LSS: variants seen among roughly 807,000 people sequenced by gnomAD.
LSS encodes the protein lanosterol synthase.
In LSS, 90 loss-of-function variants were observed where a neutral mutation model predicts 110.3. The ratio of observed to expected loss-of-function variants is 0.82; its 90% CI spans 0.69 to 0.97. The LOEUF (loss-of-function observed/expected upper bound fraction) is 0.97. LSS is among the 50% of genes least tolerant of loss of function. The pLI, the probability that LSS is intolerant of heterozygous loss-of-function variation, is 0.00. For missense variants in LSS, 927 were observed against 990.0 expected, an observed-to-expected ratio of 0.94 and a Z score of 0.85; for synonymous variants, 433 against 400.0, an observed-to-expected ratio of 1.08 and a Z score of -0.98.
chr21:46,207,423 C>G lies in LSS; in HGVS notation c.1467+5G>C. 6.2e-7 allele frequency: 1 copy of G among 1,611,538 alleles called. No homozygotes were observed. Among genetic ancestry groups the G allele is most frequent in the East Asian group, 2.2e-5 (1 of 44,832 alleles). ...TGGACGGGGCTGCTGGGACCACAGC[C>G]TTACCACAGCCACAGCATCGCAGAG... On this transcript the variant is annotated splice_donor_5th_base_variant and intron_variant, in intron 15 of 21. Coordinates refer to ENST00000397728, the MANE Select transcript of LSS (RefSeq NM_002340.6).
rs767599219 is a variant in LSS, at chr21:46,218,350, C to T, written c.647+1126G>A. ...AATGTTACAAGACACCACATAAGGCCGGGAGCAGTGGCTCATGGCTCCCAG... is the reference window on the plus strand; with the variant it reads ...AATGTTACAAGACACCACATAAGGCTGGGAGCAGTGGCTCATGGCTCCCAG... On this transcript the variant is annotated intron_variant, in intron 6 of 21. Coordinates refer to ENST00000397728, the MANE Select transcript of LSS (RefSeq NM_002340.6). Among the ~76,000 whole-genome samples, 8 of 152,262 alleles carry T rather than the reference C, an allele frequency of 5.3e-5. 1 individual carries two copies. The highest frequency in any genetic ancestry group is 2.0e-4 in the Admixed American group (3 of 15,308).
chr21:46,191,324 T>A, intron 21 of LSS, 89 bp from the exon 22 acceptor site: 1 of 1,511,282 alleles, frequency 6.6e-7, no homozygotes, highest in Non-Finnish European at 9.1e-7. Context: ...TTGGCTTGGC[T>A]GGCTTGTGGG....
chr21:46,191,191 G>A lies in LSS; in HGVS notation c.2112C>T (p.Tyr704=), dbSNP rs1290194345. The stretch of plus-strand genomic sequence containing the variant: ...TGGGGAAGATGTTCCTGTAGCTCGT[G>A]TAGGAGATGGCACAGGACTTGTTGA... The part of the protein sequence containing the change: ...GVFNKSCAIS[Y]TSYRNIFPIW... The change falls in exon 22 of 22, where the codon TAC becomes TAT. Residue 704 remains tyrosine, a synonymous_variant. Coordinates refer to ENST00000397728, the MANE Select transcript of LSS (RefSeq NM_002340.6). 1.9e-6 allele frequency: 3 copies of A among 1,614,036 alleles called. No homozygotes were observed. The highest frequency in any genetic ancestry group is 2.2e-5 in the East Asian group (1 of 44,888).
intron 5 of LSS, 55 bp from the exon 6 acceptor site, chr21:46,219,627 A>G: frequency 1.7e-6 from 2 of 1,162,032 alleles, no homozygotes; most frequent in East Asian, 2.6e-5. Flanking sequence ...CAAAGTCTGC[A>G]CTGCCTCTAG....
At chr21:46,205,580 G>A (rs1337278938) in intron 17 of LSS, among the ~76,000 whole-genome samples, 1 of 152,246 alleles carries the variant, frequency 6.6e-6, no homozygotes, top group Admixed American at 6.5e-5. Context: ...AGTCAGGTAT[G>A]TGATGTCTTC....
At position 46,218,298 on chromosome 21, in the gene LSS, T is replaced by TCC. The variant is rs562137423; in HGVS notation, c.647+1176_647+1177dup. ...TGCACGAGTGTTTTCTGGGGAGATG[T>TCC]CCACTGCTTTCAATAGATAGCCATA... On this transcript the variant is annotated intron_variant, in intron 6 of 21. Coordinates refer to ENST00000397728, the MANE Select transcript of LSS (RefSeq NM_002340.6). 4.5e-4 allele frequency among the ~76,000 whole-genome samples: 69 copies of TCC among 151,942 alleles called. No individual in the cohort carries two copies. In the East Asian group the frequency reaches 9.1e-3, roughly 20 times the overall value.
chr21:46,213,712 C>T (rs369398731), intron 10 of LSS, 26 bp downstream of exon 10: 21 of 1,599,256 alleles, frequency 1.3e-5, no homozygotes, highest in South Asian at 1.2e-4. Context: ...TGAGAGGCCC[C>T]GCCAGCATAT....
intron 3 of LSS, among the ~76,000 whole-genome samples, chr21:46,225,881 A>G (rs2080333499): frequency 6.6e-6 from 1 of 152,060 alleles, no homozygotes; most frequent in Admixed American, 6.5e-5. Flanking sequence ...ATTCAGGGCC[A>G]CTACCGGTTT....
intron 5 of LSS, chr21:46,220,505 T>A (rs955399941): frequency 2.0e-5 from 3 of 153,016 alleles, no homozygotes; most frequent in African/African-American, 7.2e-5. Flanking sequence ...AAGGAGGCAG[T>A]GCATGGCGAG....
chr21:46,223,850 G>A lies in LSS; in HGVS notation c.320-1112C>T, dbSNP rs368230523. 1.3e-3 allele frequency among the ~76,000 whole-genome samples: 198 copies of A among 152,284 alleles called. 1 individual carries two copies. Among genetic ancestry groups the A allele is most frequent in the Admixed American group, 2.2e-3 (34 of 15,302 alleles). Reference sequence around the variant, plus strand: ...AACGCCAGCGTCTGGGAAGACGCCCGTTGCCGAGCGGACGGTGGTCTAGCG... The same window carrying A: ...AACGCCAGCGTCTGGGAAGACGCCCATTGCCGAGCGGACGGTGGTCTAGCG... On this transcript the variant is annotated intron_variant, in intron 3 of 21. Transcript: ENST00000397728.
chr21:46,200,180 G>A (rs2079961630), intron 17 of LSS, among the ~76,000 whole-genome samples: 1 of 152,148 alleles, frequency 6.6e-6, no homozygotes, highest in Non-Finnish European at 1.5e-5. Context: ...AAGAATCTAT[G>A]CGTCCACAGT....
In LSS at chr21:46,209,029, T is replaced by C. The variant is rs2080092113; in HGVS notation, c.1266+525A>G. ...GAGACACGGGAGGTTGGGGCGCATGTATGGGATGACTGTGGCTGCAGACTG... is the reference window on the plus strand; with the variant it reads ...GAGACACGGGAGGTTGGGGCGCATGCATGGGATGACTGTGGCTGCAGACTG... On this transcript the variant is annotated intron_variant, in intron 13 of 21. Transcript: ENST00000397728. The surrounding 1 kb of genome is among the most constrained non-coding windows in gnomAD (Gnocchi z 4.4). Among the ~76,000 whole-genome samples, 1 of 152,028 alleles carries C rather than the reference T, an allele frequency of 6.6e-6. No homozygotes were observed. The highest frequency in any genetic ancestry group is 2.1e-4 in the South Asian group (1 of 4,828).
intron 3 of LSS, among the ~76,000 whole-genome samples, chr21:46,226,789 T>TG (rs757997143): frequency 6.6e-6 from 1 of 152,218 alleles, no homozygotes; most frequent in East Asian, 1.9e-4. Context: ...GATGAGTAAA[T>TG]GAATAGACAC....
rs767653745 is a variant in LSS, at chr21:46,207,411, T to G, written c.1467+17A>C. On this transcript the variant is annotated intron_variant, in intron 15 of 21. Coordinates refer to ENST00000397728, the MANE Select transcript of LSS (RefSeq NM_002340.6). ...GGACACGAGGTATGGACGGGGCTGC[T>G]GGGACCACAGCCTTACCACAGCCAC... is the stretch of plus-strand genomic sequence containing the variant. The G allele has an allele frequency of 1.9e-6, 3 of 1,610,206 alleles. No homozygotes were observed. The South Asian group carries it at 3.3e-5, about 18-fold the overall frequency.
In LSS at chr21:46,216,376, G is replaced by A; in HGVS notation, c.783+13C>T. 1.2e-6 allele frequency: 2 copies of A among 1,613,600 alleles called. No individual in the cohort carries two copies. The highest frequency in any genetic ancestry group is 1.7e-6 in the Non-Finnish European group (2 of 1,180,004). On this transcript the variant is annotated intron_variant, in intron 7 of 21. Coordinates refer to ENST00000397728, the MANE Select transcript of LSS (RefSeq NM_002340.6). This position sits in a 1 kb window ranked among gnomAD's most constrained non-coding sequence, Gnocchi z 4.2. Reference sequence around the variant, plus strand: ...CCCAGAGGCCTTCACTTTGTTCCCTGATGAGGTCCTACCTGGCGGAGGCTC... The same window carrying A: ...CCCAGAGGCCTTCACTTTGTTCCCTAATGAGGTCCTACCTGGCGGAGGCTC...
intron 20 of LSS, 116 bp from the exon 21 acceptor site, chr21:46,192,075 G>A (rs555065015): frequency 2.4e-6 from 2 of 819,214 alleles, no homozygotes; most frequent in Admixed American, 2.0e-5. Flanking sequence ...AGAATGGATG[G>A]GTCTAAACTG....
In LSS at chr21:46,195,895, ACAG is replaced by A. The variant is rs2079903421; in HGVS notation, c.1737-142_1737-140del. 4.2e-6 allele frequency: 3 copies of A among 707,030 alleles called. No individual in the cohort carries two copies. The South Asian group carries it at 4.9e-5, about 11-fold the overall frequency. 43.8% of individuals were successfully genotyped at this position (707,030 alleles called of 1,614,324 possible). On this transcript the variant is annotated intron_variant, in intron 18 of 21. Transcript: ENST00000397728. The stretch of plus-strand genomic sequence containing the variant: ...GCCTCAGGCATTAAGGCCGTGGAAG[ACAG>A]CAGCTCTGTCTGCTGGACCCTAAGA...
chr21:46,189,872 T>A lies in LSS; in HGVS notation c.*1232A>T, dbSNP rs988530824. On this transcript the variant is annotated 3_prime_UTR_variant, in exon 22 of 22. Coordinates refer to ENST00000397728, the MANE Select transcript of LSS (RefSeq NM_002340.6). ...TGACAGTCTCAGGTGGCCCTGAGCA[T>A]GTGAGCTGCTCATCCACATCAGGCA... 2 of 370,304 alleles carry A rather than the reference T, an allele frequency of 5.4e-6. No individual in the cohort carries two copies. Among genetic ancestry groups the A allele is most frequent in the Non-Finnish European group, 1.1e-5 (2 of 189,990 alleles). The allele number at this position is 370,304 out of a possible 1,614,324, so 22.9% of individuals were successfully genotyped here. A position where few individuals can be genotyped will look rare whatever the true frequency, so the allele number is the denominator to read the frequency against.
intron 16 of LSS, 67 bp from the exon 17 acceptor site, chr21:46,206,008 C>G: frequency 8.2e-7 from 1 of 1,221,266 alleles, no homozygotes. Flanking sequence ...GCAGCTCAGG[C>G]AAAGCCACAA....
Sources: allele counts gnomAD v4.1 joint callset (sites outside exome capture counted in the v4.1 genomes callset), GRCh38; gene constraint gnomAD v4.1.1; non-coding constraint Gnocchi (gnomAD v3.1); transcripts MANE v1.5; gene names NCBI Gene and HGNC (gene_info 2026-07-23, HGNC 2026-07-21).